Variants in PCDHA12 observed in about 807,000 individuals in gnomAD.
The protein encoded by PCDHA12 is protocadherin alpha 12.
Under a neutral mutation model 60.0 loss-of-function variants are expected in PCDHA12, and 44 were observed. The observed-to-expected ratio is 0.73, with a 90% CI of 0.58 to 0.94. The LOEUF is 0.94. Among genes scored for constraint, PCDHA12 ranks in the 40% least tolerant of loss-of-function variants. The pLI is 0.00. For missense variants in PCDHA12, 1,276 were observed against 1,239.7 expected, an observed-to-expected ratio of 1.03 and a Z score of -0.44; for synonymous variants, 569 against 553.0, an observed-to-expected ratio of 1.03 and a Z score of -0.40.
At chr5:140,883,758 G>C (rs781858673) in intron 1 of PCDHA12, 4 of 1,612,920 alleles carry the variant, frequency 2.5e-6, no homozygotes, top group Non-Finnish European at 3.4e-6. Context: ...CTGGTGGAGC[G>C]GCGGGTGGGC....
At chr5:140,950,872 T>C (rs782492363) in intron 1 of PCDHA12, among the ~76,000 whole-genome samples, 14 of 152,210 alleles carry the variant, frequency 9.2e-5, no homozygotes, top group Middle Eastern at 3.4e-3. Context: ...ATATTCTATA[T>C]TGTTCAATAG....
At chr5:140,886,605 A>G (rs998772471) in intron 1 of PCDHA12, among the ~76,000 whole-genome samples, 2 of 152,108 alleles carry the variant, frequency 1.3e-5, no homozygotes, top group Non-Finnish European at 2.9e-5. Flanking sequence ...AGGTGGGCGG[A>G]TCAGGAGATC....
At chr5:140,914,140 T>C (rs1006570934) in intron 1 of PCDHA12, among the ~76,000 whole-genome samples, 2 of 152,230 alleles carry the variant, frequency 1.3e-5, no homozygotes, top group African/African-American at 4.8e-5. Flanking sequence ...AGTTTTTGTC[T>C]GTCAGTTCTG....
At chr5:140,904,859 T>C (rs1294164011) in intron 1 of PCDHA12, among the ~76,000 whole-genome samples, 8 of 152,242 alleles carry the variant, frequency 5.3e-5, no homozygotes, top group Non-Finnish European at 1.2e-4. Flanking sequence ...GAGAATTGTC[T>C]GTTTATGTCC....
intron 1 of PCDHA12, among the ~76,000 whole-genome samples, chr5:140,957,650 C>T (rs1239447979): frequency 1.3e-5 from 2 of 151,848 alleles, no homozygotes; most frequent in Non-Finnish European, 2.9e-5. Flanking sequence ...CTTAAATATT[C>T]AATCATGGAG....
At chr5:140,989,851 G>C (rs1247481417) in intron 3 of PCDHA12, among the ~76,000 whole-genome samples, 1 of 152,106 alleles carries the variant, frequency 6.6e-6, no homozygotes, top group Non-Finnish European at 1.5e-5. Context: ...TGTGTGGACT[G>C]GAGAGGAATC....
At chr5:140,977,097 G>T (rs988046010) in intron 1 of PCDHA12, among the ~76,000 whole-genome samples, 2 of 152,222 alleles carry the variant, frequency 1.3e-5, no homozygotes, top group African/African-American at 4.8e-5. Flanking sequence ...GTGTCATTGG[G>T]GAAGTGAGAT....
In PCDHA12 at chr5:140,921,062, C is replaced by T. The variant is rs377176575; in HGVS notation, c.2367+43223C>T. 1.3e-4 allele frequency among the ~76,000 whole-genome samples: 20 copies of T among 151,872 alleles called. No homozygotes were observed. The South Asian group carries it at 4.2e-3, about 32-fold the overall frequency. The stretch of plus-strand genomic sequence containing the variant: ...TGGGGCAATCATAGCTCACTCTAAC[C>T]TTGAACTCTTGGGCTCAAGAGAATC... On this transcript the variant is annotated intron_variant, in intron 1 of 3. Coordinates refer to ENST00000398631, the MANE Select transcript of PCDHA12 (RefSeq NM_018903.4).
At chr5:140,967,143 A>G in intron 1 of PCDHA12, 1 of 1,611,272 alleles carries the variant, frequency 6.2e-7, no homozygotes, top group South Asian at 1.1e-5. Flanking sequence ...GTGCTGGCGC[A>G]CAACCCCGTG....
chr5:140,875,731 A>C lies in PCDHA12; in HGVS notation c.259A>C (p.Asn87His). The C allele has an allele frequency of 8.7e-6, 14 of 1,614,150 alleles. No homozygotes were observed. Among genetic ancestry groups the C allele is most frequent in the Non-Finnish European group, 1.0e-5 (12 of 1,180,038 alleles). ...VNLQNGILFV[N>H]SRIDREKLCG... is the part of the protein sequence containing the mutation. ...TCTGCAGAATGGCATTTTGTTTGTGAATTCTCGGATCGACCGCGAGAAGCT... is the reference window on the plus strand; with the variant it reads ...TCTGCAGAATGGCATTTTGTTTGTGCATTCTCGGATCGACCGCGAGAAGCT... Residue 87 changes from asparagine (N) to histidine (H), a missense_variant, in exon 1 of 4, where the codon AAT (asparagine) becomes CAT (histidine). Transcript: ENST00000398631.
chr5:140,877,225 G>A lies in PCDHA12; in HGVS notation c.1753G>A (p.Val585Met). The change falls in exon 1 of 4, where the codon GTG (valine) becomes ATG (methionine). Residue 585 changes from valine (V) to methionine (M), a missense_variant. By Grantham distance (21) the Val-to-Met change is conservative. Coordinates refer to ENST00000398631, the MANE Select transcript of PCDHA12 (RefSeq NM_018903.4). ...AGTTAGCGAGTTGGTACCGCGGTCGGTGGGTGCGGGCCACGTGGTGGCGAA... is the reference window on the plus strand; with the variant it reads ...AGTTAGCGAGTTGGTACCGCGGTCGATGGGTGCGGGCCACGTGGTGGCGAA... Reference protein sequence around the residue: ...GAVSELVPRSVGAGHVVAKVR... With the variant: ...GAVSELVPRSMGAGHVVAKVR... 6.2e-7 allele frequency: 1 copy of A among 1,613,746 alleles called. No homozygotes were observed.
chr5:140,939,565 A>G (rs560033193), intron 1 of PCDHA12, among the ~76,000 whole-genome samples: 24 of 152,096 alleles, frequency 1.6e-4, no homozygotes, highest in African/African-American at 5.8e-4. Flanking sequence ...TAGTTTGGTT[A>G]ATCAAAATGG....
At chr5:140,941,191 T>TCTTTC (rs1554213808) in intron 1 of PCDHA12, among the ~76,000 whole-genome samples, 2 of 93,206 alleles carry the variant, frequency 2.1e-5, no homozygotes, top group South Asian at 5.6e-4. Flanking sequence ...GCTTCTTTTT[T>TCTTTC]TTTCTTTCTT....
At chr5:140,984,987 G>C (rs1034950978) in intron 3 of PCDHA12, among the ~76,000 whole-genome samples, 7 of 152,028 alleles carry the variant, frequency 4.6e-5, no homozygotes, top group Admixed American at 2.0e-4. Flanking sequence ...CCCCAGGCTG[G>C]AGTCCAGTGG....
At chr5:140,966,622 G>C in intron 1 of PCDHA12, 1 of 854,486 alleles carries the variant, frequency 1.2e-6, no homozygotes, top group Non-Finnish European at 1.6e-6. Flanking sequence ...TACGGAGGGA[G>C]CGGCCCCAGG....
chr5:140,901,970 G>A (rs1178784932), intron 1 of PCDHA12, among the ~76,000 whole-genome samples: 1 of 151,954 alleles, frequency 6.6e-6, no homozygotes, highest in Non-Finnish European at 1.5e-5. Context: ...TCGTAAATGG[G>A]ATTACTTTTT....
chr5:140,990,427 AC>A (rs1488981685), intron 3 of PCDHA12, among the ~76,000 whole-genome samples: 5 of 152,174 alleles, frequency 3.3e-5, no homozygotes, highest in African/African-American at 1.2e-4. Flanking sequence ...ACCAGCATTG[AC>A]CCAATCTTGT....
chr5:140,973,384 CAAAG>C (rs1250756648), intron 1 of PCDHA12, among the ~76,000 whole-genome samples: 4 of 152,194 alleles, frequency 2.6e-5, no homozygotes, highest in Non-Finnish European at 5.9e-5. Context: ...TCAGAATAGA[CAAAG>C]AAATCATATC....
At chr5:140,888,048 A>G (rs534072281) in intron 1 of PCDHA12, among the ~76,000 whole-genome samples, 40 of 152,296 alleles carry the variant, frequency 2.6e-4, no homozygotes, top group African/African-American at 9.4e-4. Context: ...TGTATAATAG[A>G]TGTTTTAACT....
Sources: gnomAD v4.1 joint callset for allele counts (sites outside exome capture counted in the v4.1 genomes callset) on GRCh38, gnomAD v4.1.1 for gene constraint, MANE v1.5 for transcripts, NCBI Gene and HGNC (gene_info 2026-07-23, HGNC 2026-07-21) for gene names.